Variants in NLGN1 observed in about 807,000 individuals in gnomAD.
The protein encoded by NLGN1 is neuroligin 1.
Under a neutral mutation model 65.5 loss-of-function variants are expected in NLGN1, and 12 were observed. The ratio of observed to expected loss-of-function variants is 0.18; its 90% CI spans 0.12 to 0.30. The LOEUF (loss-of-function observed/expected upper bound fraction) is 0.30. NLGN1 is among the 10% of genes least tolerant of loss of function. The pLI is 1.00. For synonymous variants in NLGN1, 350 were observed against 359.5 expected, an observed-to-expected ratio of 0.97 and a Z score of 0.30; for missense variants, 750 against 1,007.1, an observed-to-expected ratio of 0.74 and a Z score of 3.46.
At chr3:174,128,397 T>G (rs1307750330) in intron 4 of NLGN1, among the ~76,000 whole-genome samples, 1 of 152,154 alleles carries the variant, frequency 6.6e-6, no homozygotes, top group East Asian at 1.9e-4. Flanking sequence ...AGATAATATG[T>G]GGGATAGATA....
intron 3 of NLGN1, among the ~76,000 whole-genome samples, chr3:173,699,378 G>A (rs867468755): frequency 1.3e-5 from 2 of 152,150 alleles, no homozygotes; most frequent in Non-Finnish European, 2.9e-5. Flanking sequence ...TATTCTTGAC[G>A]TTAAATATGT....
At chr3:173,964,292 C>T (rs940207224) in intron 4 of NLGN1, among the ~76,000 whole-genome samples, 4 of 152,138 alleles carry the variant, frequency 2.6e-5, no homozygotes, top group African/African-American at 4.8e-5. Context: ...AACACAAAGT[C>T]GTGCAGTTCA....
intron 3 of NLGN1, among the ~76,000 whole-genome samples, chr3:173,615,001 A>G (rs898558939): frequency 6.6e-6 from 1 of 152,164 alleles, no homozygotes; most frequent in Non-Finnish European, 1.5e-5. Context: ...TTGTATTCCA[A>G]CTGACTCTGA....
At position 174,150,482 on chromosome 3, in the gene NLGN1, C is replaced by T. The variant is rs144751013; in HGVS notation, c.647-124833C>T. Among the ~76,000 whole-genome samples the T allele has an allele frequency of 2.0e-4, 31 of 152,176 alleles. No individual in the cohort carries two copies. In the East Asian group the frequency reaches 4.4e-3, roughly 22 times the overall value. On this transcript the variant is annotated intron_variant, in intron 4 of 6. Transcript: ENST00000457714. ...TGTAACAAACAAAAATGTCCCTAGG[C>T]GTTGCCAAATGAATCCTATAGAGTA...
At chr3:174,242,617 C>G (rs1743095266) in intron 4 of NLGN1, among the ~76,000 whole-genome samples, 1 of 151,744 alleles carries the variant, frequency 6.6e-6, no homozygotes, top group Non-Finnish European at 1.5e-5. Flanking sequence ...GAATCTGATG[C>G]CTGATGATCT....
chr3:174,055,319 A>C (rs533637934), intron 4 of NLGN1, among the ~76,000 whole-genome samples: 9 of 152,038 alleles, frequency 5.9e-5, no homozygotes, highest in African/African-American at 2.2e-4. Flanking sequence ...GGAACTGGGA[A>C]AGTTGTCGCT....
intron 4 of NLGN1, among the ~76,000 whole-genome samples, chr3:174,023,280 T>A (rs2241301): frequency 0.26 from 39,462 of 152,048 alleles, 5,997 homozygotes; most frequent in African/African-American, 0.42. Context: ...ACACATGAGA[T>A]ACTAAGAGTT....
intron 4 of NLGN1, among the ~76,000 whole-genome samples, chr3:173,988,839 C>T (rs962048926): frequency 2.0e-5 from 3 of 152,080 alleles, no homozygotes; most frequent in Admixed American, 6.6e-5. Flanking sequence ...TTTAATACCA[C>T]TACTCTCTCC....
intron 4 of NLGN1, among the ~76,000 whole-genome samples, chr3:174,248,220 A>G (rs1200107402): frequency 2.0e-5 from 3 of 152,218 alleles, no homozygotes; most frequent in South Asian, 4.1e-4. Flanking sequence ...TTTTTATTCT[A>G]TAAATTTGTA....
In NLGN1 at chr3:173,853,910, T is replaced by A. The variant is rs565251687; in HGVS notation, c.646+46078T>A. On this transcript the variant is annotated intron_variant, in intron 4 of 6. Transcript: ENST00000457714. ...TTCATTTTATAAATTATTTATTAAA[T>A]TTATATACATTTGATAGTGATCAGT... is the stretch of plus-strand genomic sequence containing the variant. Among the ~76,000 whole-genome samples, 4 of 152,058 alleles carry A rather than the reference T, an allele frequency of 2.6e-5. No homozygotes were observed. The East Asian group carries it at 7.7e-4, about 29-fold the overall frequency.
At chr3:173,437,268 T>G (rs140337486) in intron 2 of NLGN1, among the ~76,000 whole-genome samples, 2 of 152,288 alleles carry the variant, frequency 1.3e-5, no homozygotes, top group African/African-American at 4.8e-5. Flanking sequence ...GCTGTTGGTA[T>G]TGTCTGTCAC....
chr3:173,498,301 G>A (rs1022638417), intron 2 of NLGN1, among the ~76,000 whole-genome samples: 50 of 151,396 alleles, frequency 3.3e-4, no homozygotes, highest in Admixed American at 3.0e-3. Flanking sequence ...GACAACATGC[G>A]GTGTTGGGTT....
chr3:174,024,481 T>C (rs1261661661), intron 4 of NLGN1, among the ~76,000 whole-genome samples: 1 of 152,194 alleles, frequency 6.6e-6, no homozygotes, highest in Non-Finnish European at 1.5e-5. Context: ...TTTAGATTTA[T>C]GGTCTATGTG....
At chr3:173,829,472 A>G (rs557613168) in intron 4 of NLGN1, among the ~76,000 whole-genome samples, 3 of 142,852 alleles carry the variant, frequency 2.1e-5, no homozygotes, top group South Asian at 2.2e-4. Context: ...ATGCATATAC[A>G]TTGTGTACTG....
intron 4 of NLGN1, among the ~76,000 whole-genome samples, chr3:174,274,103 C>T (rs1332173304): frequency 6.6e-6 from 1 of 151,474 alleles, no homozygotes; most frequent in African/African-American, 2.4e-5. Flanking sequence ...AAAATTAGTT[C>T]TATAAACTTG....
intron 1 of NLGN1, among the ~76,000 whole-genome samples, chr3:173,402,175 ACAGATGTGT>A (rs2148609198): frequency 6.6e-6 from 1 of 152,284 alleles, no homozygotes; most frequent in South Asian, 2.1e-4. Flanking sequence ...GGATTCTGGT[ACAGATGTGT>A]TAGCATGGAC....
chr3:173,878,311 A>G (rs1411266820), intron 4 of NLGN1, among the ~76,000 whole-genome samples: 3 of 152,160 alleles, frequency 2.0e-5, no homozygotes, highest in African/African-American at 4.8e-5. Flanking sequence ...GAGTGCAGGG[A>G]TTACAGGCGT....
chr3:174,036,883 G>A (rs1731251924), intron 4 of NLGN1, among the ~76,000 whole-genome samples: 2 of 152,048 alleles, frequency 1.3e-5, no homozygotes, highest in African/African-American at 4.8e-5. Context: ...TTAGTTTGCT[G>A]AAGACAATGG....
At chr3:173,586,203 A>T (rs1747411739) in intron 2 of NLGN1, among the ~76,000 whole-genome samples, 1 of 151,960 alleles carries the variant, frequency 6.6e-6, no homozygotes, top group South Asian at 2.1e-4. Context: ...TAAAATGGAG[A>T]TAGATAAAAG....
Sources: gnomAD v4.1 joint callset for allele counts (sites outside exome capture counted in the v4.1 genomes callset) on GRCh38, gnomAD v4.1.1 for gene constraint, MANE v1.5 for transcripts, NCBI Gene and HGNC (gene_info 2026-07-23, HGNC 2026-07-21) for gene names.